Variants in TSPAN7 observed in about 807,000 individuals in gnomAD.
The protein encoded by TSPAN7 is tetraspanin-7.
In TSPAN7, 1 loss-of-function variant was observed where a neutral mutation model predicts 17.6. The observed-to-expected ratio is 0.06, with a 90% confidence interval of 0.02 to 0.27. The LOEUF (loss-of-function observed/expected upper bound fraction) is 0.27. Among genes scored for constraint, TSPAN7 ranks in the 10% least tolerant of loss-of-function variants. The pLI, the probability that TSPAN7 is intolerant of heterozygous loss-of-function variation, is 1.00. For missense variants in TSPAN7, 112 were observed against 201.7 expected (o/e 0.56, Z 2.69); for synonymous variants, 78 against 79.0 (o/e 0.99, Z 0.07).
At chrX:38,654,621 C>T (rs182859202) in intron 1 of TSPAN7, among the ~76,000 whole-genome samples, 2 of 112,234 alleles carry the variant, frequency 1.8e-5, no homozygotes, top group East Asian at 5.6e-4. Flanking sequence ...AAAGCTCATA[C>T]TTACTTACCT....
chrX:38,666,644 G>C (rs2069783664), intron 2 of TSPAN7, among the ~76,000 whole-genome samples: 1 of 107,939 alleles, frequency 9.3e-6, no homozygotes, highest in African/African-American at 3.4e-5. Context: ...TGTTGCCCAG[G>C]CTGGAGTTCA....
intron 1 of TSPAN7, among the ~76,000 whole-genome samples, chrX:38,643,722 G>C (rs912023690): frequency 4.6e-5 from 5 of 107,656 alleles, no homozygotes; most frequent in Non-Finnish European, 9.6e-5. Context: ...GCGGGTGCCT[G>C]TAGTCCCAGC....
intron 1 of TSPAN7, among the ~76,000 whole-genome samples, chrX:38,663,124 A>G (rs1403669423): frequency 9.7e-6 from 1 of 103,428 alleles, no homozygotes; most frequent in African/African-American, 3.6e-5. Context: ...CCCATCAATC[A>G]ATGAGTGGAT....
intron 6 of TSPAN7, among the ~76,000 whole-genome samples, chrX:38,684,812 C>T (rs868030534): frequency 9.0e-6 from 1 of 110,810 alleles, no homozygotes; most frequent in South Asian, 3.9e-4. Flanking sequence ...TTGAGTGACT[C>T]GCTTGAAGTT....
intron 6 of TSPAN7, among the ~76,000 whole-genome samples, chrX:38,683,311 T>C (rs1347741621): frequency 8.9e-6 from 1 of 112,695 alleles, no homozygotes; most frequent in Non-Finnish European, 1.9e-5. Flanking sequence ...AATGAAGAAA[T>C]GTATGATTAG....
intron 1 of TSPAN7, among the ~76,000 whole-genome samples, chrX:38,594,103 A>G (rs1210186548): frequency 8.9e-6 from 1 of 111,997 alleles, no homozygotes; most frequent in Non-Finnish European, 1.9e-5. Flanking sequence ...GACATGGAGT[A>G]TTTTCAGAAC....
At chrX:38,637,921 C>T (rs1310439056) in intron 1 of TSPAN7, among the ~76,000 whole-genome samples, 1 of 111,500 alleles carries the variant, frequency 9.0e-6, no homozygotes, top group Non-Finnish European at 1.9e-5. Flanking sequence ...CGCTATAGGC[C>T]CCTCAAGAGG....
intron 1 of TSPAN7, among the ~76,000 whole-genome samples, chrX:38,653,696 C>G (rs745995918): frequency 8.9e-6 from 1 of 112,441 alleles, no homozygotes; most frequent in African/African-American, 3.2e-5. Flanking sequence ...CAAACTATAG[C>G]TTGGAGTGGA....
At chrX:38,686,249 C>T (rs1464226995) in intron 6 of TSPAN7, among the ~76,000 whole-genome samples, 1 of 112,123 alleles carries the variant, frequency 8.9e-6, no homozygotes, top group East Asian at 2.8e-4. Flanking sequence ...TTGCATATTT[C>T]ACAGCACAAT....
intron 1 of TSPAN7, among the ~76,000 whole-genome samples, chrX:38,589,132 CT>C (rs2069276000): frequency 8.9e-6 from 1 of 111,849 alleles, no homozygotes. Context: ...TTGCTCAAGC[CT>C]TTAGTTGCTT....
At chrX:38,610,219 A>G (rs112497723) in intron 1 of TSPAN7, among the ~76,000 whole-genome samples, 6,294 of 111,505 alleles carry the variant, frequency 0.056, 387 homozygotes, top group African/African-American at 0.18. Flanking sequence ...ATTCATATTA[A>G]CCCATTTCAC....
chrX:38,665,820 G>A (rs2069778087), intron 1 of TSPAN7, among the ~76,000 whole-genome samples: 1 of 111,813 alleles, frequency 8.9e-6, no homozygotes, highest in Non-Finnish European at 1.9e-5. Context: ...CAGACCTGTC[G>A]TATGATGTGC....
chrX:38,641,995 A>G (rs762353151), intron 1 of TSPAN7, among the ~76,000 whole-genome samples: 15 of 111,931 alleles, frequency 1.3e-4, no homozygotes, highest in African/African-American at 4.6e-4. Flanking sequence ...TCACTTAGGT[A>G]CAAAGAGCTC....
At chrX:38,626,592 G>T (rs978310099) in intron 1 of TSPAN7, among the ~76,000 whole-genome samples, 2 of 110,991 alleles carry the variant, frequency 1.8e-5, no homozygotes, top group African/African-American at 6.6e-5. Context: ...GATGCAGTAC[G>T]CTCAGAGGAG....
At chrX:38,631,470 CTT>C (rs1444871675) in intron 1 of TSPAN7, among the ~76,000 whole-genome samples, 1 of 111,406 alleles carries the variant, frequency 9.0e-6, no homozygotes, top group Non-Finnish European at 1.9e-5. Context: ...GAGGAGTTGT[CTT>C]TTATATAGAA....
chrX:38,661,015 G>T (rs894859521), intron 1 of TSPAN7, among the ~76,000 whole-genome samples: 14 of 111,784 alleles, frequency 1.3e-4, no homozygotes, highest in Non-Finnish European at 2.1e-4. Flanking sequence ...AAGGTCTGTG[G>T]TCTGCACGCA....
intron 1 of TSPAN7, among the ~76,000 whole-genome samples, chrX:38,665,029 A>G (rs1490266458): frequency 8.9e-6 from 1 of 112,170 alleles, no homozygotes; most frequent in African/African-American, 3.2e-5. Flanking sequence ...GTGGTCACAG[A>G]TATTAGGAAC....
chrX:38,677,810 C>A (rs2069864421), intron 5 of TSPAN7, among the ~76,000 whole-genome samples: 1 of 112,491 alleles, frequency 8.9e-6, no homozygotes, highest in South Asian at 3.7e-4. Context: ...TGTCAGACAC[C>A]TAATCTATAC....
intron 1 of TSPAN7, among the ~76,000 whole-genome samples, chrX:38,648,649 G>T (rs1018481144): frequency 2.7e-5 from 3 of 111,420 alleles, no homozygotes; most frequent in African/African-American, 9.8e-5. Context: ...ACAGGGTCTC[G>T]CTGTGTTGTC....
Sources: allele counts gnomAD v4.1 joint callset (sites outside exome capture counted in the v4.1 genomes callset), GRCh38; gene constraint gnomAD v4.1.1; transcripts MANE v1.5; gene names NCBI Gene and HGNC (gene_info 2026-07-23, HGNC 2026-07-21).